ZEB1: variants seen among roughly 807,000 people sequenced by gnomAD.
ZEB1 encodes zinc finger E-box binding homeobox 1.
A neutral mutation model predicts 84.9 loss-of-function variants in ZEB1; 21 were observed. That is an observed-to-expected ratio of 0.25 (90% CI 0.18 to 0.36). The LOEUF (loss-of-function observed/expected upper bound fraction) is 0.36, where lower values mean the gene tolerates loss of function less well. Among genes scored for constraint, ZEB1 ranks in the 10% least tolerant of loss-of-function variants. The probability of loss-of-function intolerance (pLI) is 1.00; values close to 1 mark genes in which losing one functional copy is unlikely to be tolerated. For synonymous variants in ZEB1, 420 were observed against 471.1 expected (o/e 0.89, Z 1.41); for missense variants, 1,104 against 1,330.2 (o/e 0.83, Z 2.65).
intron 1 of ZEB1, among the ~76,000 whole-genome samples, chr10:31,356,135 T>C (rs1180608896): frequency 1.3e-5 from 2 of 152,132 alleles, no homozygotes; most frequent in African/African-American, 2.4e-5. Flanking sequence ...TACTTTCAGG[T>C]AACTTGTACT....
At chr10:31,340,022 G>T (rs1271656711) in intron 1 of ZEB1, among the ~76,000 whole-genome samples, 2 of 152,038 alleles carry the variant, frequency 1.3e-5, no homozygotes, top group African/African-American at 4.8e-5. Context: ...AGATTTTGGG[G>T]TATAAACGTC....
At chr10:31,448,829 G>C (rs1383634571) in intron 1 of ZEB1, among the ~76,000 whole-genome samples, 1 of 152,092 alleles carries the variant, frequency 6.6e-6, no homozygotes, top group Non-Finnish European at 1.5e-5. Flanking sequence ...TGTCAGACAG[G>C]GACATTTAAG....
chr10:31,453,903 A>C (rs1363850112), intron 1 of ZEB1, among the ~76,000 whole-genome samples: 6 of 152,214 alleles, frequency 3.9e-5, no homozygotes, highest in African/African-American at 1.4e-4. Flanking sequence ...TCCCGAACTC[A>C]TTTTATGAGG....
At chr10:31,417,932 A>G (rs1220174438) in intron 1 of ZEB1, among the ~76,000 whole-genome samples, 1 of 152,056 alleles carries the variant, frequency 6.6e-6, no homozygotes, top group Non-Finnish European at 1.5e-5. Flanking sequence ...GACATCCCTA[A>G]TATAGTATAA....
intron 1 of ZEB1, among the ~76,000 whole-genome samples, chr10:31,443,633 A>C (rs1452746781): frequency 1.4e-5 from 2 of 140,842 alleles, no homozygotes; most frequent in Non-Finnish European, 3.0e-5. Context: ...TCATTGTTCA[A>C]TTCCCACCTA....
At chr10:31,446,403 T>C (rs1261855910) in intron 1 of ZEB1, among the ~76,000 whole-genome samples, 16 of 151,676 alleles carry the variant, frequency 1.1e-4, no homozygotes, top group African/African-American at 3.9e-4. Context: ...TTTTTGTCTC[T>C]CTATTTCCTT....
At chr10:31,475,446 G>C (rs1385109212) in intron 2 of ZEB1, among the ~76,000 whole-genome samples, 2 of 152,046 alleles carry the variant, frequency 1.3e-5, no homozygotes, top group Non-Finnish European at 2.9e-5. Flanking sequence ...AATTCAGAGA[G>C]CACCTGAAAA....
chr10:31,398,773 A>G (rs527396677), intron 1 of ZEB1, among the ~76,000 whole-genome samples: 1 of 151,980 alleles, frequency 6.6e-6, no homozygotes, highest in Non-Finnish European at 1.5e-5. Flanking sequence ...TTTAGATACT[A>G]TACTACACTG....
chr10:31,340,737 G>A (rs995507469), intron 1 of ZEB1, among the ~76,000 whole-genome samples: 7 of 152,124 alleles, frequency 4.6e-5, no homozygotes, highest in South Asian at 2.1e-4. Context: ...CAGAGAAATG[G>A]AAAGAATGGC....
At chr10:31,515,118 T>A (rs895726772) in intron 6 of ZEB1, among the ~76,000 whole-genome samples, 5 of 151,924 alleles carry the variant, frequency 3.3e-5, no homozygotes, top group African/African-American at 1.2e-4. Context: ...GAAATGGAAC[T>A]CAAGATTAGA....
At chr10:31,350,128 C>T (rs1174941987) in intron 1 of ZEB1, among the ~76,000 whole-genome samples, 1 of 152,090 alleles carries the variant, frequency 6.6e-6, no homozygotes, top group African/African-American at 2.4e-5. Context: ...TTTCATTCTT[C>T]TGCATGGGGA....
intron 2 of ZEB1, 117 bp downstream of exon 2, chr10:31,461,354 A>T: frequency 9.1e-7 from 1 of 1,100,028 alleles, no homozygotes; most frequent in Non-Finnish European, 1.3e-6. Flanking sequence ...TTTGGCTATC[A>T]ATAAATATTA....
At chr10:31,413,831 G>A (rs917231667) in intron 1 of ZEB1, among the ~76,000 whole-genome samples, 8 of 151,968 alleles carry the variant, frequency 5.3e-5, no homozygotes, top group Non-Finnish European at 8.8e-5. Context: ...TAATTTCATA[G>A]CGATTAACTT....
chr10:31,527,124 G>T lies in ZEB1; in HGVS notation c.3238G>T (p.Glu1080Ter). Residue 1080 changes from glutamate to a stop codon, truncating the protein, a stop_gained, in exon 9 of 9, where the codon GAG (glutamate) becomes TAG (stop). Transcript: ENST00000424869. LOFTEE classifies it low-confidence loss of function (END_TRUNC). ...EEEVEEEEVE[E>*]AENEGEEAKT... ...AGAAGTGGAAGAAGAAGAGGTAGAAGAGGCAGAGAATGAGGGAGAAGAAGC... is the reference window on the plus strand; with the variant it reads ...AGAAGTGGAAGAAGAAGAGGTAGAATAGGCAGAGAATGAGGGAGAAGAAGC... 1 of 1,606,960 alleles carries T rather than the reference G, an allele frequency of 6.2e-7. No homozygotes were observed.
chr10:31,508,133 G>C (rs1332570785), intron 4 of ZEB1, among the ~76,000 whole-genome samples: 1 of 152,110 alleles, frequency 6.6e-6, no homozygotes, highest in Non-Finnish European at 1.5e-5. Flanking sequence ...AGTTTGGCTG[G>C]GACAGGGATG....
At chr10:31,498,732 A>G (rs1207803536) in intron 3 of ZEB1, among the ~76,000 whole-genome samples, 2 of 152,030 alleles carry the variant, frequency 1.3e-5, no homozygotes, top group Non-Finnish European at 2.9e-5. Flanking sequence ...TATGAAATCC[A>G]TAGTATATTA....
intron 1 of ZEB1, among the ~76,000 whole-genome samples, chr10:31,391,690 C>T (rs1443787400): frequency 6.6e-6 from 1 of 152,132 alleles, no homozygotes; most frequent in Non-Finnish European, 1.5e-5. Context: ...AGACTGACTT[C>T]CTTTTGTTTA....
At chr10:31,468,390 A>G (rs1164199900) in intron 2 of ZEB1, among the ~76,000 whole-genome samples, 2 of 152,202 alleles carry the variant, frequency 1.3e-5, no homozygotes, top group African/African-American at 4.8e-5. Flanking sequence ...TCAAAACTGC[A>G]TGTCCTGTCG....
chr10:31,466,318 TC>T (rs1189935369), intron 2 of ZEB1, among the ~76,000 whole-genome samples: 18 of 152,196 alleles, frequency 1.2e-4, no homozygotes, highest in African/African-American at 4.1e-4. Flanking sequence ...TGCACATTTT[TC>T]TCACTCAAAC....
Sources: gnomAD v4.1 joint callset for allele counts (sites outside exome capture counted in the v4.1 genomes callset) on GRCh38, gnomAD v4.1.1 for gene constraint, MANE v1.5 for transcripts, NCBI Gene and HGNC (gene_info 2026-07-23, HGNC 2026-07-21) for gene names.